The following RNF38 variants were observed in gnomAD, a reference collection of about 807,000 sequenced individuals.
The protein encoded by RNF38 is ring finger protein 38.
A neutral mutation model predicts 67.2 loss-of-function variants in RNF38; 15 were observed. The observed-to-expected ratio is 0.22, with a 90% CI of 0.15 to 0.34. The LOEUF (loss-of-function observed/expected upper bound fraction) is 0.34. Ranked by LOEUF, RNF38 falls within the 10% of genes least tolerant of loss-of-function variation. The pLI, the probability that RNF38 is intolerant of heterozygous loss-of-function variation, is 1.00. For missense variants in RNF38, 524 were observed against 639.9 expected (o/e 0.82, Z 1.95); for synonymous variants, 220 against 218.8 (o/e 1.01, Z -0.05).
chr9:36,363,873 AT>A (rs558655028), intron 4 of RNF38, among the ~76,000 whole-genome samples: 2,713 of 76,272 alleles, frequency 0.036, 654 homozygotes, highest in South Asian at 0.051. Flanking sequence ...TTATATGCAG[AT>A]TTTTTTTTTT....
At chr9:36,343,999 C>G (rs1281845497) in intron 10 of RNF38, among the ~76,000 whole-genome samples, 1 of 152,108 alleles carries the variant, frequency 6.6e-6, no homozygotes, top group African/African-American at 2.4e-5. Context: ...CAAAAAACCA[C>G]TGAATTGTAC....
intron 1 of RNF38, among the ~76,000 whole-genome samples, chr9:36,466,527 ATGATTCAT>A (rs1482472379): frequency 6.6e-6 from 1 of 152,188 alleles, no homozygotes; most frequent in East Asian, 1.9e-4. Context: ...TCACACTATG[ATGATTCAT>A]TGAGCTGCAA....
At chr9:36,355,723 G>A (rs1391258599) in intron 6 of RNF38, among the ~76,000 whole-genome samples, 2 of 152,140 alleles carry the variant, frequency 1.3e-5, no homozygotes, top group East Asian at 1.9e-4. Flanking sequence ...ATTTAGACAA[G>A]TGACATTAAA....
chr9:36,380,866 G>C (rs10972878), intron 2 of RNF38, among the ~76,000 whole-genome samples: 13,076 of 152,266 alleles, frequency 0.086, 765 homozygotes, highest in Non-Finnish European at 0.13. Flanking sequence ...CTCAGAAACT[G>C]AGGAAAACTG....
intron 1 of RNF38, among the ~76,000 whole-genome samples, chr9:36,426,300 TCACCA>T (rs994865297): frequency 7.9e-5 from 12 of 152,274 alleles, no homozygotes; most frequent in African/African-American, 2.6e-4. Context: ...TAGGACATTT[TCACCA>T]CCCTAAAAAG....
chr9:36,399,989 T>C (rs1564044428), intron 1 of RNF38, 108 bp downstream of exon 1: 7 of 966,624 alleles, frequency 7.2e-6, no homozygotes, highest in Non-Finnish European at 1.1e-5. Context: ...CATATAATGG[T>C]GGCAATAATT....
intron 1 of RNF38, among the ~76,000 whole-genome samples, chr9:36,425,094 A>AT (rs1564057678): frequency 6.6e-6 from 1 of 152,228 alleles, no homozygotes. Context: ...TTCTAAACAT[A>AT]TAAGAAACAA....
chr9:36,364,716 TG>T (rs1310233480), intron 4 of RNF38, among the ~76,000 whole-genome samples: 2 of 152,254 alleles, frequency 1.3e-5, no homozygotes, highest in African/African-American at 4.8e-5. Flanking sequence ...ACTAGAACAG[TG>T]GTTCTCTAAT....
chr9:36,343,576 CTG>C (rs1213945545), intron 10 of RNF38, among the ~76,000 whole-genome samples: 1 of 151,908 alleles, frequency 6.6e-6, no homozygotes, highest in Non-Finnish European at 1.5e-5. Context: ...AATCACTAGA[CTG>C]GCTATAATAA....
chr9:36,446,021 C>T (rs1839293415), intron 1 of RNF38, among the ~76,000 whole-genome samples: 1 of 152,164 alleles, frequency 6.6e-6, no homozygotes, highest in South Asian at 2.1e-4. Flanking sequence ...TCTTTCCCGC[C>T]TCTTAAACAA....
At chr9:36,453,903 T>C (rs1304678714) in intron 1 of RNF38, among the ~76,000 whole-genome samples, 2 of 152,130 alleles carry the variant, frequency 1.3e-5, no homozygotes, top group Non-Finnish European at 2.9e-5. Flanking sequence ...TATTTATAGA[T>C]AAATGATATG....
rs368439756 is a variant in RNF38 at position 36,351,184 on chromosome 9, C to T, written c.1194G>A (p.Val398=). ...TGAAAGTTGGGCCCACTGCAGGTGGCACTGGAAGCATTGATCTGCAGTGAA... is the reference window on the plus strand; with the variant it reads ...TGAAAGTTGGGCCCACTGCAGGTGGTACTGGAAGCATTGATCTGCAGTGAA... ...LLPYVLSMLP[V]PPAVGPTFSF... The change falls in exon 9 of 12, where the codon GTG becomes GTA. Residue 398 remains valine (V), a synonymous_variant. Coordinates refer to ENST00000259605, the MANE Select transcript of RNF38 (RefSeq NM_022781.5). 6 of 1,611,802 alleles carry T rather than the reference C, an allele frequency of 3.7e-6. No homozygotes were observed. Among genetic ancestry groups the T allele is most frequent in the African/African-American group, 1.3e-5 (1 of 74,978 alleles).
At chr9:36,362,404 ATTGTAAAATACT>A (rs1834620118) in intron 4 of RNF38, among the ~76,000 whole-genome samples, 1 of 151,646 alleles carries the variant, frequency 6.6e-6, no homozygotes, top group African/African-American at 2.4e-5. Context: ...CAGAAACTTC[ATTGTAAAATACT>A]TTGTAAAATA....
chr9:36,365,215 TA>T lies in RNF38; in HGVS notation c.570+4503del, dbSNP rs1169041569. ...TACTAATTCTATTATGTGCCGCTTT[TA>T]AGAACTAAGAGCCTTAAAAAAAACG... On this transcript the variant is annotated intron_variant, in intron 4 of 11. Transcript: ENST00000259605. Among the ~76,000 whole-genome samples the T allele has an allele frequency of 3.0e-4, 26 of 86,002 alleles. No individual in the cohort carries two copies. The South Asian group carries it at 7.0e-3, about 23-fold the overall frequency. The allele number at this position is 86,002 out of a possible 152,430, so 56.4% of individuals were successfully genotyped here.
intron 2 of RNF38, among the ~76,000 whole-genome samples, chr9:36,383,684 T>C (rs1042700806): frequency 6.6e-6 from 1 of 152,216 alleles, no homozygotes; most frequent in Non-Finnish European, 1.5e-5. Context: ...TCTCCTGAAA[T>C]GTTATTTTAC....
At chr9:36,468,537 C>G (rs192443197) in intron 1 of RNF38, among the ~76,000 whole-genome samples, 102 of 152,140 alleles carry the variant, frequency 6.7e-4, no homozygotes, top group African/African-American at 2.4e-3. Context: ...ATGAGCCTGG[C>G]GTGGTGGCTC....
intron 1 of RNF38, among the ~76,000 whole-genome samples, chr9:36,485,097 A>G (rs980379270): frequency 2.0e-5 from 3 of 152,196 alleles, no homozygotes; most frequent in African/African-American, 7.2e-5. Context: ...TGAACCAGGG[A>G]GGCGGAGCTT....
At chr9:36,361,409 C>T (rs566116272) in intron 4 of RNF38, among the ~76,000 whole-genome samples, 3 of 133,262 alleles carry the variant, frequency 2.3e-5, no homozygotes, top group East Asian at 2.3e-4. Context: ...GTGATCCGCC[C>T]GCCTCGGCCT....
chr9:36,447,828 C>A (rs1839344459), intron 1 of RNF38, among the ~76,000 whole-genome samples: 1 of 152,180 alleles, frequency 6.6e-6, no homozygotes, highest in Admixed American at 6.5e-5. Context: ...GGAAGAATTA[C>A]TAACTGTATT....
Sources: allele counts gnomAD v4.1 joint callset (sites outside exome capture counted in the v4.1 genomes callset), GRCh38; gene constraint gnomAD v4.1.1; transcripts MANE v1.5; gene names NCBI Gene and HGNC (gene_info 2026-07-23, HGNC 2026-07-21).